The following APBB2 variants were observed in gnomAD, a reference collection of about 807,000 sequenced individuals.
APBB2 encodes the protein Fe65-like 1.
APBB2 carries 38 observed loss-of-function variants against 82.5 expected under a neutral mutation model. The observed-to-expected ratio is 0.46, with a 90% confidence interval of 0.36 to 0.60. The LOEUF (loss-of-function observed/expected upper bound fraction) is 0.60. Ranked by LOEUF, APBB2 falls within the 20% of genes least tolerant of loss-of-function variation. The pLI is 0.00. For synonymous variants in APBB2, 341 were observed against 368.2 expected (o/e 0.93, Z 0.85); for missense variants, 772 against 972.3 (o/e 0.79, Z 2.74).
intron 4 of APBB2, among the ~76,000 whole-genome samples, chr4:41,046,058 G>A (rs1258519515): frequency 6.6e-6 from 1 of 152,012 alleles, no homozygotes; most frequent in East Asian, 1.9e-4. Context: ...TGGGTATATA[G>A]ATACCATATA....
At chr4:40,974,130 G>A (rs938161318) in intron 6 of APBB2, among the ~76,000 whole-genome samples, 11 of 151,952 alleles carry the variant, frequency 7.2e-5, no homozygotes, top group Middle Eastern at 6.8e-3. Flanking sequence ...GGGATTACAG[G>A]TATGAGCCAC....
At position 41,068,179 on chromosome 4, in the gene APBB2, T is replaced by C. The variant is rs78908857; in HGVS notation, c.-148-2506A>G. Among the ~76,000 whole-genome samples, 1,180 of 152,350 alleles carry C rather than the reference T, an allele frequency of 7.7e-3. 16 individuals are homozygous for C. The highest frequency in any genetic ancestry group is 0.027 in the African/African-American group (1,128 of 41,560). On this transcript the variant is annotated intron_variant, in intron 3 of 17. Transcript: ENST00000508593. ...GCCCTATCTACCTATACTATGTTTT[T>C]TCCTATACATATGTACCGATGATAA...
chr4:40,923,512 G>A (rs1428199164), intron 10 of APBB2, among the ~76,000 whole-genome samples: 1 of 152,132 alleles, frequency 6.6e-6, no homozygotes, highest in African/African-American at 2.4e-5. Context: ...ACTCCTGCCC[G>A]AGGCTGTTCA....
chr4:40,825,992 C>T (rs771621784), intron 14 of APBB2, 22 bp from the exon 15 acceptor site: 2 of 1,592,948 alleles, frequency 1.3e-6, no homozygotes, highest in Admixed American at 1.7e-5. Flanking sequence ...AAAAGCAACA[C>T]ATCTTTCTCA....
chr4:40,988,637 CA>C (rs1310590730), intron 6 of APBB2, among the ~76,000 whole-genome samples: 49 of 30,656 alleles, frequency 1.6e-3, no homozygotes, highest in Admixed American at 2.3e-3. Flanking sequence ...GACTCCGTCT[CA>C]AAAAAAAAAA....
chr4:40,907,671 CTT>C (rs34413606), intron 10 of APBB2, among the ~76,000 whole-genome samples: 21,051 of 94,872 alleles, frequency 0.22, 2,043 homozygotes, highest in Admixed American at 0.3. Context: ...GTGCCTGACC[CTT>C]TTTTTTTTTT....
chr4:40,937,088 T>C (rs1283897644), intron 7 of APBB2, among the ~76,000 whole-genome samples: 1 of 152,230 alleles, frequency 6.6e-6, no homozygotes, highest in Non-Finnish European at 1.5e-5. Context: ...AACAAGCTTA[T>C]ATGGCCTCAA....
chr4:41,101,640 C>T (rs1745487255), intron 2 of APBB2, among the ~76,000 whole-genome samples: 1 of 151,874 alleles, frequency 6.6e-6, no homozygotes, highest in African/African-American at 2.4e-5. Flanking sequence ...AACAGAAAAT[C>T]TGACAATTCT....
At chr4:41,014,705 T>C (rs1292035956) in intron 5 of APBB2, among the ~76,000 whole-genome samples, 1 of 152,228 alleles carries the variant, frequency 6.6e-6, no homozygotes, top group Non-Finnish European at 1.5e-5. Flanking sequence ...TTTCTTCTGG[T>C]GGCTGGTCTT....
intron 7 of APBB2, among the ~76,000 whole-genome samples, chr4:40,943,996 AG>A (rs1382622834): frequency 6.6e-6 from 1 of 152,274 alleles, no homozygotes; most frequent in African/African-American, 2.4e-5. Flanking sequence ...TTTTAAAAAC[AG>A]GAAGGGTGAT....
At chr4:40,880,483 C>T (rs1768162145) in intron 12 of APBB2, 2 of 985,468 alleles carry the variant, frequency 2.0e-6, no homozygotes, top group Non-Finnish European at 2.4e-6. Context: ...AAACCATGCA[C>T]TGAACATCTG....
intron 12 of APBB2, among the ~76,000 whole-genome samples, chr4:40,843,787 G>A (rs562523684): frequency 6.6e-6 from 1 of 152,188 alleles, no homozygotes; most frequent in Non-Finnish European, 1.5e-5. Context: ...GACAAGGTCA[G>A]TATTACTGTT....
At chr4:40,858,890 G>A (rs145624610) in intron 12 of APBB2, among the ~76,000 whole-genome samples, 1 of 152,316 alleles carries the variant, frequency 6.6e-6, no homozygotes, top group East Asian at 1.9e-4. Context: ...ACAACTGTCT[G>A]GAACACAACA....
In APBB2 at chr4:40,934,953, G is replaced by A. The variant is rs556583294; in HGVS notation, c.1107+124C>T. The A allele has an allele frequency of 1.9e-5, 16 of 855,946 alleles. No individual in the cohort carries two copies. The South Asian group carries it at 2.8e-4, about 15-fold the overall frequency. The allele number at this position is 855,946 out of a possible 1,614,324, so 53.0% of individuals were successfully genotyped here. A position where few individuals can be genotyped will look rare whatever the true frequency, so the allele number is the denominator to read the frequency against. Reference sequence around the variant, plus strand: ...CAGGAGTGTGAGCTGAATGCCCCTAGCAAGAAGCCCGATCACTGTGTCCCT... The same window carrying A: ...CAGGAGTGTGAGCTGAATGCCCCTAACAAGAAGCCCGATCACTGTGTCCCT... On this transcript the variant is annotated intron_variant, in intron 8 of 17. Coordinates refer to ENST00000508593, the MANE Select transcript of APBB2 (RefSeq NM_004307.2).
At chr4:40,896,205 C>T (rs1194279832) in intron 10 of APBB2, among the ~76,000 whole-genome samples, 1 of 152,178 alleles carries the variant, frequency 6.6e-6, no homozygotes, top group African/African-American at 2.4e-5. Context: ...GCTGGGATTA[C>T]AGGTGTACAC....
chr4:40,890,343 C>A (rs550935227), intron 12 of APBB2, 21 bp downstream of exon 12: 1 of 1,607,902 alleles, frequency 6.2e-7, no homozygotes, highest in Non-Finnish European at 8.5e-7. Flanking sequence ...GTGACCCAGA[C>A]TGCCCCACCC....
rs1580368457 is a variant in APBB2, at chr4:41,142,199, GA to G, written c.-261+787del. Among the ~76,000 whole-genome samples the G allele has an allele frequency of 2.6e-5, 4 of 152,314 alleles. No individual in the cohort carries two copies. The East Asian group carries it at 7.7e-4, about 29-fold the overall frequency. ...GGAGTATTTATTAGCTGCTTATGTA[GA>G]AAGCTGACTTACCCACTGAATGTCC... On this transcript the variant is annotated intron_variant, in intron 2 of 17. Coordinates refer to ENST00000508593, the MANE Select transcript of APBB2 (RefSeq NM_004307.2).
intron 10 of APBB2, among the ~76,000 whole-genome samples, chr4:40,904,122 A>G (rs1448275444): frequency 6.6e-6 from 1 of 152,118 alleles, no homozygotes; most frequent in Non-Finnish European, 1.5e-5. Context: ...TTCACCACCC[A>G]GGTTTCACTG....
chr4:41,038,820 G>A (rs1384668558), intron 4 of APBB2, among the ~76,000 whole-genome samples: 4 of 152,340 alleles, frequency 2.6e-5, no homozygotes, highest in African/African-American at 9.6e-5. Flanking sequence ...AAAAAAGGAG[G>A]GAAACATTTC....
Sources: allele counts gnomAD v4.1 joint callset (sites outside exome capture counted in the v4.1 genomes callset), GRCh38; gene constraint gnomAD v4.1.1; transcripts MANE v1.5; gene names NCBI Gene and HGNC (gene_info 2026-07-23, HGNC 2026-07-21).